Variants in EEA1 observed in about 807,000 individuals in gnomAD.
EEA1 encodes early endosome antigen 1, 162kD.
A neutral mutation model predicts 209.2 loss-of-function variants in EEA1; 111 were observed. The observed-to-expected ratio is 0.53, with a 90% CI of 0.45 to 0.62. The LOEUF is 0.62. EEA1 is among the 20% of genes least tolerant of loss of function. The pLI is 0.00. For synonymous variants in EEA1, 536 were observed against 540.6 expected, an observed-to-expected ratio of 0.99 and a Z score of 0.12; for missense variants, 1,343 against 1,530.8, an observed-to-expected ratio of 0.88 and a Z score of 2.05.
intron 9 of EEA1, among the ~76,000 whole-genome samples, chr12:92,846,865 T>C (rs1218001194): frequency 6.6e-6 from 1 of 152,196 alleles, no homozygotes; most frequent in Non-Finnish European, 1.5e-5. Context: ...ACTAGTCAAA[T>C]AAACATTTAT....
intron 15 of EEA1, among the ~76,000 whole-genome samples, chr12:92,814,358 T>C (rs568037132): frequency 6.6e-6 from 1 of 152,230 alleles, no homozygotes; most frequent in African/African-American, 2.4e-5. Flanking sequence ...ATATATAGCA[T>C]AGACTACAAA....
At chr12:92,887,345 AT>A (rs57620252) in intron 2 of EEA1, among the ~76,000 whole-genome samples, 145,695 of 152,132 alleles carry the variant, frequency 0.96, 69,813 homozygotes, top group East Asian at 1. Context: ...AAACTTAAAA[AT>A]TTAAAAAATA....
At position 92,771,520 on chromosome 12, in the gene EEA1, G is replaced by A. The variant is rs940481217; in HGVS notation, c.*4491C>T. The A allele has an allele frequency of 1.3e-5, 2 of 152,004 alleles. No individual in the cohort carries two copies. Among genetic ancestry groups the A allele is most frequent in the African/African-American group, 4.8e-5 (2 of 41,432 alleles). 9.4% of individuals were successfully genotyped at this position (152,004 alleles called of 1,614,324 possible). ...GAAAATCTGGAGGACAGTAACTATT[G>A]TTAATAGCTAAGAATAAATGAGGTG... On this transcript the variant is annotated 3_prime_UTR_variant, in exon 29 of 29. Coordinates refer to ENST00000322349, the MANE Select transcript of EEA1 (RefSeq NM_003566.4).
rs1460193016 is a variant in EEA1 at position 92,851,249 on chromosome 12, T to C, written c.660A>G (p.Ile220Met). The change falls in exon 9 of 29, where the codon ATA becomes ATG. Residue 220 changes from isoleucine (I) to methionine (M), a missense_variant. This residue lies in a region of EEA1 where 1,307 missense variants were observed against 1,465.5 expected (regional missense o/e 0.89). Coordinates refer to ENST00000322349, the MANE Select transcript of EEA1 (RefSeq NM_003566.4). ...CTTTCTTTAGCACGGCAACATCTTC[T>C]ATACCAGGTCTCTGAAGCTGTGAAA... ...LKTELLQRPG[I>M]EDVAVLKKEL... is the part of the protein sequence containing the mutation. 5.0e-6 allele frequency: 8 copies of C among 1,612,664 alleles called. No homozygotes were observed. The East Asian group carries it at 1.8e-4, about 36-fold the overall frequency.
rs1380511430 is a variant in EEA1 at position 92,774,546 on chromosome 12, T to G, written c.*1465A>C. On this transcript the variant is annotated 3_prime_UTR_variant, in exon 29 of 29. Transcript: ENST00000322349. ...AGATTAATAAACCAATATTAATAAC[T>G]TCTCTCTTGAGATGTTTTACAATTT... 1.3e-5 allele frequency: 2 copies of G among 151,722 alleles called. No individual in the cohort carries two copies. Among genetic ancestry groups the G allele is most frequent in the Non-Finnish European group, 1.5e-5 (1 of 67,654 alleles). 9.4% of individuals were successfully genotyped at this position (151,722 alleles called of 1,614,324 possible). A position where few individuals can be genotyped will look rare whatever the true frequency, so the allele number is the denominator to read the frequency against.
intron 2 of EEA1, among the ~76,000 whole-genome samples, chr12:92,876,181 T>A (rs1212564227): frequency 1.3e-5 from 2 of 152,116 alleles, no homozygotes; most frequent in Non-Finnish European, 2.9e-5. Context: ...CAAGCGATCC[T>A]CCCACCTTAG....
chr12:92,813,087 C>T lies in EEA1; in HGVS notation c.1936G>A (p.Ala646Thr). The T allele has an allele frequency of 6.3e-7, 1 of 1,576,136 alleles. No individual in the cohort carries two copies. Among genetic ancestry groups the T allele is most frequent in the Admixed American group, 1.7e-5 (1 of 58,338 alleles). ...KVSQLDIQIK[A>T]KTELLLSAEA... ...GCTGATAGTAATAGTTCGGTTTTGGCTTTAATCTGTAACAGCATTTACAAA... is the reference window on the plus strand; with the variant it reads ...GCTGATAGTAATAGTTCGGTTTTGGTTTTAATCTGTAACAGCATTTACAAA... Residue 646 changes from alanine (A) to threonine (T), a missense_variant, in exon 16 of 29, where the codon GCC becomes ACC. By Grantham distance (58) the Ala-to-Thr change is moderately conservative. Transcript: ENST00000322349.
intron 18 of EEA1, among the ~76,000 whole-genome samples, chr12:92,803,994 T>A (rs951927815): frequency 6.6e-6 from 1 of 152,164 alleles, no homozygotes. Context: ...TGTTTTTTTT[T>A]AAGTAACTAA....
chr12:92,857,306 T>A lies in EEA1; in HGVS notation c.335A>T (p.Glu112Val), dbSNP rs1467215869. The A allele has an allele frequency of 6.3e-7, 1 of 1,591,746 alleles. No individual in the cohort carries two copies. Among genetic ancestry groups the A allele is most frequent in the African/African-American group, 1.4e-5 (1 of 73,682 alleles). Residue 112 changes from glutamate to valine, a missense_variant, in exon 5 of 29, where the codon GAA (glutamate) becomes GTA (valine). Physicochemically the swap from Glu to Val is moderately radical, Grantham distance 121. Around this residue, in one of 3 missense-constraint regions of EEA1, gnomAD observed 1,307 missense variants for 1,465.5 expected, o/e 0.89. Transcript: ENST00000322349. ...CTGCAGCCCTTGATATTTTTCTAAT[T>A]CCTTCTTTAATTCTTCCGAGTACCA... ...EKWYSEELKK[E>V]LEKYQGLQQQ...
chr12:92,849,172 T>C (rs187071936), intron 9 of EEA1, among the ~76,000 whole-genome samples: 1 of 152,340 alleles, frequency 6.6e-6, no homozygotes, highest in Non-Finnish European at 1.5e-5. Flanking sequence ...AAAACTGACA[T>C]TAATTTGGTT....
chr12:92,893,859 T>C (rs972750651), intron 1 of EEA1, among the ~76,000 whole-genome samples: 1 of 152,204 alleles, frequency 6.6e-6, no homozygotes, highest in African/African-American at 2.4e-5. Flanking sequence ...CATTCCTTTT[T>C]TTTTCCTCAT....
chr12:92,808,558 C>T (rs780224888), intron 18 of EEA1, among the ~76,000 whole-genome samples: 1 of 151,708 alleles, frequency 6.6e-6, no homozygotes, highest in Non-Finnish European at 1.5e-5. Context: ...CAGCCTCGAC[C>T]TCCCAAGCTC....
At chr12:92,910,340 G>A (rs542417537) in intron 1 of EEA1, among the ~76,000 whole-genome samples, 3 of 149,240 alleles carry the variant, frequency 2.0e-5, no homozygotes, top group East Asian at 2.0e-4. Context: ...ATGGTGGTGC[G>A]CACCTGTAAT....
chr12:92,800,711 C>A (rs1028063804), intron 20 of EEA1, among the ~76,000 whole-genome samples: 3 of 152,190 alleles, frequency 2.0e-5, no homozygotes, highest in African/African-American at 7.2e-5. Flanking sequence ...ATAACTCTAT[C>A]ACATAGATTC....
chr12:92,801,974 C>T (rs1874937451), intron 19 of EEA1, among the ~76,000 whole-genome samples: 1 of 151,914 alleles, frequency 6.6e-6, no homozygotes, highest in South Asian at 2.1e-4. Flanking sequence ...CTTTAGAAAT[C>T]ACATTTTATG....
intron 9 of EEA1, among the ~76,000 whole-genome samples, chr12:92,850,886 C>A: frequency 6.6e-6 from 1 of 151,860 alleles, no homozygotes; most frequent in Admixed American, 6.6e-5. Flanking sequence ...ATATATTAAA[C>A]AGAATAATAA....
In EEA1 at chr12:92,902,110, C is replaced by T. The variant is rs980532997; in HGVS notation, c.25-10389G>A. On this transcript the variant is annotated intron_variant, in intron 1 of 28. Coordinates refer to ENST00000322349, the MANE Select transcript of EEA1 (RefSeq NM_003566.4). ...TTGGGAGGTCCAGGTGGGAGGATCACTTGAGCCCAGGAAGTCAACGCTGCA... is the reference window on the plus strand; with the variant it reads ...TTGGGAGGTCCAGGTGGGAGGATCATTTGAGCCCAGGAAGTCAACGCTGCA... Among the ~76,000 whole-genome samples the T allele has an allele frequency of 5.3e-5, 8 of 152,270 alleles. No individual in the cohort carries two copies. In the East Asian group the frequency reaches 9.6e-4, roughly 18 times the overall value.
intron 1 of EEA1, among the ~76,000 whole-genome samples, chr12:92,923,611 A>AC (rs956117980): frequency 6.7e-6 from 1 of 150,246 alleles, no homozygotes; most frequent in Admixed American, 6.7e-5. Context: ...CCCCTACCAC[A>AC]CCCCCTCTCC....
intron 13 of EEA1, among the ~76,000 whole-genome samples, chr12:92,824,347 T>A (rs983934477): frequency 1.3e-5 from 2 of 152,220 alleles, no homozygotes; most frequent in Non-Finnish European, 2.9e-5. Flanking sequence ...ACCTATACAG[T>A]CTACTCTCAA....
Sources: allele counts gnomAD v4.1 joint callset (sites outside exome capture counted in the v4.1 genomes callset), GRCh38; gene constraint gnomAD v4.1.1; regional missense constraint gnomAD v4.1.1; transcripts MANE v1.5; gene names NCBI Gene and HGNC (gene_info 2026-07-23, HGNC 2026-07-21).